The following FREM2 variants were observed in gnomAD, a reference collection of about 807,000 sequenced individuals.
FREM2 encodes FRAS1-related extracellular matrix protein 2.
A neutral mutation model predicts 219.9 loss-of-function variants in FREM2; 119 were observed. The ratio of observed to expected loss-of-function variants is 0.54; its 90% CI spans 0.47 to 0.63. FREM2 has a LOEUF of 0.63. FREM2 is among the 30% of genes least tolerant of loss of function. The pLI is 0.00. For missense variants in FREM2, 4,030 were observed against 3,993.6 expected, an observed-to-expected ratio of 1.01 and a Z score of -0.25; for synonymous variants, 1,562 against 1,522.8, an observed-to-expected ratio of 1.03 and a Z score of -0.60.
Position 38,689,595 on chromosome 13 carries a change from G to A in FREM2, c.2251G>A (p.Glu751Lys), listed in dbSNP as rs148298275. 6 of 1,613,008 alleles carry A rather than the reference G, an allele frequency of 3.7e-6. No individual in the cohort carries two copies. Among genetic ancestry groups the A allele is most frequent in the Non-Finnish European group, 4.2e-6 (5 of 1,179,520 alleles). ...TVTQPPTDTD[E>K]NHLPAPLGTL... The stretch of plus-strand genomic sequence containing the variant: ...GACTCAGCCCCCCACAGACACAGAC[G>A]AAAATCACCTGCCAGCCCCACTGGG... Residue 751 changes from glutamate to lysine, a missense_variant, in exon 1 of 24, where the codon GAA becomes AAA. Physicochemically the swap from Glu to Lys is moderately conservative, Grantham distance 56 (BLOSUM62 1). Around this residue, in one of 2 missense-constraint regions of FREM2, gnomAD observed 3,102 missense variants for 2,950.7 expected, o/e 1.05. Transcript: ENST00000280481.
At chr13:38,745,542 T>C (rs2137786310) in intron 2 of FREM2, among the ~76,000 whole-genome samples, 1 of 152,318 alleles carries the variant, frequency 6.6e-6, no homozygotes, top group Non-Finnish European at 1.5e-5. Context: ...TCCTATATGG[T>C]TTTGTCTTTT....
intron 2 of FREM2, among the ~76,000 whole-genome samples, chr13:38,761,512 C>T (rs1873223901): frequency 6.6e-6 from 1 of 151,972 alleles, no homozygotes; most frequent in Admixed American, 6.6e-5. Flanking sequence ...TTTTTAAAAA[C>T]AATGAGAACA....
intron 1 of FREM2, among the ~76,000 whole-genome samples, chr13:38,693,343 C>T (rs1274651490): frequency 2.0e-5 from 3 of 152,202 alleles, no homozygotes; most frequent in African/African-American, 7.2e-5. Context: ...TCCTCTCTGA[C>T]CTGTTGCAAA....
chr13:38,739,866 CT>C (rs1238163627), intron 2 of FREM2, among the ~76,000 whole-genome samples: 2 of 152,122 alleles, frequency 1.3e-5, no homozygotes, highest in Non-Finnish European at 2.9e-5. Flanking sequence ...TTTAAAGTTG[CT>C]TTTTTCATTA....
intron 11 of FREM2, among the ~76,000 whole-genome samples, chr13:38,853,822 G>C (rs1378361397): frequency 1.3e-5 from 2 of 152,146 alleles, no homozygotes; most frequent in African/African-American, 2.4e-5. Context: ...ATAATGAGCA[G>C]ATTTTACATG....
At chr13:38,817,163 A>G (rs1316313466) in intron 6 of FREM2, among the ~76,000 whole-genome samples, 2 of 152,154 alleles carry the variant, frequency 1.3e-5, no homozygotes, top group Admixed American at 1.3e-4. Flanking sequence ...GATTAATGCA[A>G]TTCCTATCAA....
intron 2 of FREM2, among the ~76,000 whole-genome samples, chr13:38,728,301 T>C (rs142056746): frequency 1.8e-4 from 28 of 152,292 alleles, no homozygotes; most frequent in Admixed American, 3.9e-4. Flanking sequence ...ATTAAAACTC[T>C]AGGGCTGAGT....
At chr13:38,809,962 C>T (rs1593421042) in intron 6 of FREM2, among the ~76,000 whole-genome samples, 1 of 152,166 alleles carries the variant, frequency 6.6e-6, no homozygotes, top group African/African-American at 2.4e-5. Flanking sequence ...AATCTATGCA[C>T]ATGAAATATC....
chr13:38,697,263 T>C (rs1870148134), intron 1 of FREM2, among the ~76,000 whole-genome samples: 1 of 152,198 alleles, frequency 6.6e-6, no homozygotes. Flanking sequence ...TTAGCCAGTG[T>C]TGGGGAGCAA....
Position 38,856,152 on chromosome 13 carries a change from C to A in FREM2, c.6952C>A (p.Gln2318Lys). 1 of 1,610,938 alleles carries A rather than the reference C, an allele frequency of 6.2e-7. No individual in the cohort carries two copies. Among genetic ancestry groups the A allele is most frequent in the South Asian group, 1.1e-5 (1 of 90,998 alleles). ...EEIEFKEGET[Q>K]HVVEIEVTFD... ...AATTGAGTTTAAGGAAGGGGAAACC[C>A]AGCACGTGGTTGAAATCGAAGTTAC... The change falls in exon 12 of 24, where the codon CAG becomes AAG. Residue 2318 changes from glutamine to lysine, a missense_variant. Physicochemically the swap from Gln to Lys is moderately conservative, Grantham distance 53. This residue lies in a region of FREM2 where 3,102 missense variants were observed against 2,950.7 expected (regional missense o/e 1.05). Transcript: ENST00000280481.
Position 38,688,040 on chromosome 13 carries a change from A to G in FREM2, c.696A>G (p.Glu232=), listed in dbSNP as rs202014461. The change falls in exon 1 of 24, where the codon GAA becomes GAG. Residue 232 remains glutamate (E), a synonymous_variant. Transcript: ENST00000280481. The part of the protein sequence containing the change: ...SGLGALPRYG[E]LLHYPQVPGG... ...TGGGCGCGCTGCCTCGCTATGGAGA[A>G]CTCCTCCACTACCCGCAGGTCCCTG... The G allele has an allele frequency of 1.2e-6, 2 of 1,608,568 alleles. No individual in the cohort carries two copies. The highest frequency in any genetic ancestry group is 1.7e-5 in the Admixed American group (1 of 59,920).
At chr13:38,699,575 G>C (rs990135682) in intron 2 of FREM2, among the ~76,000 whole-genome samples, 2 of 152,040 alleles carry the variant, frequency 1.3e-5, no homozygotes, top group African/African-American at 4.8e-5. Flanking sequence ...TAGAGAGAGA[G>C]TTTCATGTGA....
chr13:38,837,763 T>C (rs1397915304), intron 6 of FREM2, among the ~76,000 whole-genome samples: 1 of 148,294 alleles, frequency 6.7e-6, no homozygotes, highest in Non-Finnish European at 1.5e-5. Context: ...TTGCAACCCC[T>C]GGTTTTTTTT....
intron 4 of FREM2, among the ~76,000 whole-genome samples, chr13:38,773,773 T>A (rs888699144): frequency 6.6e-6 from 1 of 152,096 alleles, no homozygotes; most frequent in Admixed American, 6.6e-5. Flanking sequence ...CTGGGAAGGG[T>A]TTAAAGTTCA....
Position 38,687,478 on chromosome 13 carries a change from C to G in FREM2, c.134C>G (p.Pro45Arg), listed in dbSNP as rs1191756448. 6.3e-7 allele frequency: 1 copy of G among 1,591,310 alleles called. No homozygotes were observed. Among genetic ancestry groups the G allele is most frequent in the Non-Finnish European group, 8.5e-7 (1 of 1,169,596 alleles). The change falls in exon 1 of 24, where the codon CCG becomes CGG. Residue 45 changes from proline to arginine, a missense_variant. Pro to Arg is a moderately radical substitution (Grantham distance 103). Transcript: ENST00000280481. ...LLLLSLVSRV[P>R]AQPAAFGRAL... is the part of the protein sequence containing the mutation. ...CTCCTGTCACTGGTAAGCCGCGTCC[C>G]GGCACAGCCCGCTGCCTTCGGCAGG...
chr13:38,814,318 A>G (rs1875670217), intron 6 of FREM2, among the ~76,000 whole-genome samples: 1 of 152,152 alleles, frequency 6.6e-6, no homozygotes, highest in African/African-American at 2.4e-5. Context: ...GTCTGGGCTT[A>G]TTTGTGCCTG....
chr13:38,778,425 T>C (rs1296722126), intron 4 of FREM2, among the ~76,000 whole-genome samples: 1 of 152,150 alleles, frequency 6.6e-6, no homozygotes, highest in East Asian at 1.9e-4. Context: ...ACCTCTGTCT[T>C]CTTCTTCTTA....
rs907458615 is a variant in FREM2 at position 38,823,232 on chromosome 13, G to A, written c.6020-23341G>A. The stretch of plus-strand genomic sequence containing the variant: ...TTCCTCGTCTGAACTGCCATCACCT[G>A]ATCCAAACGAACTTCCTATCTTGCC... On this transcript the variant is annotated intron_variant, in intron 6 of 23. Coordinates refer to ENST00000280481, the MANE Select transcript of FREM2 (RefSeq NM_207361.6). Among the ~76,000 whole-genome samples, 19 of 151,920 alleles carry A rather than the reference G, an allele frequency of 1.3e-4. 1 individual carries two copies. The highest frequency in any genetic ancestry group is 1.2e-3 in the South Asian group (6 of 4,802).
chr13:38,784,491 T>A lies in FREM2; in HGVS notation c.5768-66T>A. The A allele has an allele frequency of 2.5e-6, 4 of 1,572,154 alleles. No individual in the cohort carries two copies. The South Asian group carries it at 4.4e-5, about 17-fold the overall frequency. On this transcript the variant is annotated intron_variant, in intron 5 of 23. Coordinates refer to ENST00000280481, the MANE Select transcript of FREM2 (RefSeq NM_207361.6). ...ATTAAAATGCTGTGTATGAAAATAATTGTGTCTGGAAATATCTTTGTCTTA... is the reference window on the plus strand; with the variant it reads ...ATTAAAATGCTGTGTATGAAAATAAATGTGTCTGGAAATATCTTTGTCTTA...
Sources: gnomAD v4.1 joint callset for allele counts (sites outside exome capture counted in the v4.1 genomes callset) on GRCh38, gnomAD v4.1.1 for gene constraint, gnomAD v4.1.1 regional missense constraint, MANE v1.5 for transcripts, NCBI Gene and HGNC (gene_info 2026-07-23, HGNC 2026-07-21) for gene names.